The following NSMF variants were observed in gnomAD, a reference collection of about 807,000 sequenced individuals.
NSMF encodes NMDA receptor synaptonuclear signaling and neuronal migration factor.
A neutral mutation model predicts 71.0 loss-of-function variants in NSMF; 31 were observed. The observed-to-expected ratio is 0.44, with a 90% CI of 0.33 to 0.59. The LOEUF (loss-of-function observed/expected upper bound fraction) is 0.59. Ranked by LOEUF, NSMF falls within the 20% of genes least tolerant of loss-of-function variation. NSMF has a pLI of 0.04. For synonymous variants in NSMF, 345 were observed against 287.1 expected (o/e 1.20, Z -2.04); for missense variants, 673 against 740.5 (o/e 0.91, Z 1.06).
Position 137,456,211 on chromosome 9 carries a change from G to C in NSMF, c.704+200C>G, listed in dbSNP as rs57548677. On this transcript the variant is annotated intron_variant, in intron 4 of 15. Transcript: ENST00000371475. ...GGTCCCCTGACTGTGTGTGTGTGGGGGGGGGGGCTGGGCACCAGCCATGGG... is the reference window on the plus strand; with the variant it reads ...GGTCCCCTGACTGTGTGTGTGTGGGCGGGGGGGCTGGGCACCAGCCATGGG... Among the ~76,000 whole-genome samples the C allele has an allele frequency of 7.1e-3, 1,079 of 152,178 alleles. 16 individuals are homozygous for C. Among genetic ancestry groups the C allele is most frequent in the African/African-American group, 0.024 (1,011 of 41,478 alleles).
Position 137,457,827 on chromosome 9 carries a change from G to C in NSMF, c.208C>G (p.Arg70Gly). ...EMQPAPQNKR[R>G]LSLVSNGCYE... ...CAGCCGTTGGAGACGAGGGACAGGC[G>C]GCGCTTGTTCTGGGGGGCCGGCTGC... is the stretch of plus-strand genomic sequence containing the variant. Residue 70 changes from arginine (R) to glycine (G), a missense_variant, in exon 3 of 16, where the codon CGC (arginine) becomes GGC (glycine). Transcript: ENST00000371475. The C allele has an allele frequency of 6.4e-7, 1 of 1,556,162 alleles. No homozygotes were observed. Among genetic ancestry groups the C allele is most frequent in the Non-Finnish European group, 8.7e-7 (1 of 1,150,186 alleles).
rs561299452 is a variant in NSMF at position 137,452,413 on chromosome 9, G to A, written c.1188C>T (p.Asn396=). The A allele has an allele frequency of 9.3e-6, 15 of 1,612,458 alleles. 1 individual carries two copies. Among genetic ancestry groups the A allele is most frequent in the African/African-American group, 6.7e-5 (5 of 74,876 alleles). Reference sequence around the variant, plus strand: ...AGATCTTGGCTCCCTTGTGGTAGACGTTCAGCTTCCTCTCTATCTCCTCTG... The same window carrying A: ...AGATCTTGGCTCCCTTGTGGTAGACATTCAGCTTCCTCTCTATCTCCTCTG... ...DILEEIERKL[N]VYHKGAKIWK... is the part of the protein sequence containing the mutation. Residue 396 remains asparagine, a synonymous_variant, in exon 12 of 16, where the codon AAC becomes AAT. Transcript: ENST00000371475.
Position 137,459,292 on chromosome 9 carries a change from G to A in NSMF, c.-190C>T, listed in dbSNP as rs1157046961. On this transcript the variant is annotated 5_prime_UTR_variant, in exon 1 of 16. Coordinates refer to ENST00000371475, the MANE Select transcript of NSMF (RefSeq NM_001130969.3). The stretch of plus-strand genomic sequence containing the variant: ...CGGTCCCCGCATGGCCGCACCCGGC[G>A]CTCCGCGCGTGCCGCCGCTCCCGGG... 9.3e-6 allele frequency: 2 copies of A among 215,458 alleles called. No homozygotes were observed. Among genetic ancestry groups the A allele is most frequent in the Non-Finnish European group, 1.6e-5 (2 of 123,938 alleles). The allele number at this position is 215,458 out of a possible 1,614,324, so 13.3% of individuals were successfully genotyped here. A position where few individuals can be genotyped will look rare whatever the true frequency, so the allele number is the denominator to read the frequency against.
chr9:137,450,372 C>CCCCTTGATCTCCCCCACCACACGTCTTT (rs1433493417), intron 12 of NSMF, 117 bp from the exon 13 acceptor site: 39 of 790,754 alleles, frequency 4.9e-5, no homozygotes, highest in African/African-American at 2.1e-4. Context: ...CACGCTTCTT[C>CCCCTTGATCTCCCCCACCACACGTCTTT]CCCTTGATCT....
chr9:137,449,788 G>A, intron 14 of NSMF, 114 bp from the exon 15 acceptor site: 1 of 1,303,572 alleles, frequency 7.7e-7, no homozygotes, highest in Non-Finnish European at 1.1e-6. Flanking sequence ...ACCTGGCTGG[G>A]CTCAGGCATA....
Position 137,454,382 on chromosome 9 carries a change from G to T in NSMF, c.832+9C>A. The T allele has an allele frequency of 6.5e-7, 1 of 1,550,008 alleles. No homozygotes were observed. Among genetic ancestry groups the T allele is most frequent in the Non-Finnish European group, 8.7e-7 (1 of 1,146,772 alleles). On this transcript the variant is annotated intron_variant, in intron 7 of 15. Transcript: ENST00000371475. ...GCCGCCCCCCCACCCCCGCCGCACGGGGTCTTACTCTGGGCCTTCACCCTC... is the reference window on the plus strand; with the variant it reads ...GCCGCCCCCCCACCCCCGCCGCACGTGGTCTTACTCTGGGCCTTCACCCTC...
At position 137,449,390 on chromosome 9, in the gene NSMF, C is replaced by A; in HGVS notation, c.*4G>T. On this transcript the variant is annotated 3_prime_UTR_variant, in exon 16 of 16. Coordinates refer to ENST00000371475, the MANE Select transcript of NSMF (RefSeq NM_001130969.3). ...GATGGTGACTGGGCGGAGGCCTCTGCCCCTCACAGGACGTCGTCAAAGTCC... is the reference window on the plus strand; with the variant it reads ...GATGGTGACTGGGCGGAGGCCTCTGACCCTCACAGGACGTCGTCAAAGTCC... The A allele has an allele frequency of 6.2e-7, 1 of 1,611,556 alleles. No individual in the cohort carries two copies. The highest frequency in any genetic ancestry group is 1.1e-5 in the South Asian group (1 of 91,050).
chr9:137,452,610 G>C, intron 10 of NSMF, 24 bp from the exon 11 acceptor site: 1 of 1,612,256 alleles, frequency 6.2e-7, no homozygotes, highest in Non-Finnish European at 8.5e-7. Context: ...CAGGCCACAA[G>C]GCCACATCAA....
At chr9:137,449,753 C>T (rs1423774845) in intron 14 of NSMF, 79 bp from the exon 15 acceptor site, 20 of 1,394,610 alleles carry the variant, frequency 1.4e-5, no homozygotes, top group African/African-American at 1.1e-4. Flanking sequence ...GAGCAGGGCC[C>T]ACCCTCTTTT....
rs1564266205 is a variant in NSMF, at chr9:137,455,612, G to A, written c.710+17C>T. ...CAACAGCTGTGCCCTTAGGCACCAA[G>A]TCATACAGGTACTTACGAGATGCTG... On this transcript the variant is annotated intron_variant, in intron 5 of 15. Transcript: ENST00000371475. 3.9e-6 allele frequency: 6 copies of A among 1,550,136 alleles called. No homozygotes were observed. The highest frequency in any genetic ancestry group is 1.4e-5 in the African/African-American group (1 of 73,048).
In NSMF at chr9:137,452,566, G is replaced by C. The variant is rs1232476748; in HGVS notation, c.1152C>G (p.Phe384Leu). Residue 384 changes from phenylalanine to leucine, a missense_variant, in exon 11 of 16, where the codon TTC becomes TTG. By Grantham distance (22) the Phe-to-Leu change is conservative (BLOSUM62 0). Around this residue, in one of 2 missense-constraint regions of NSMF, gnomAD observed 202 missense variants for 280.8 expected, o/e 0.72. Transcript: ENST00000371475. ...TGAGGCACATACCAAGGATGTCCTCGAAGGTTGCGTGCTCATGGTCCTGGG... is the reference window on the plus strand; with the variant it reads ...TGAGGCACATACCAAGGATGTCCTCCAAGGTTGCGTGCTCATGGTCCTGGG... ...PILYDHEHATFEDILEEIERK... is the reference protein window; with the variant it reads ...PILYDHEHATLEDILEEIERK... 6.2e-7 allele frequency: 1 copy of C among 1,612,540 alleles called. No individual in the cohort carries two copies. Among genetic ancestry groups the C allele is most frequent in the East Asian group, 2.2e-5 (1 of 44,854 alleles).
rs567805520 is a variant in NSMF, at chr9:137,449,374, T to C, written c.*20A>G. 45 of 1,602,656 alleles carry C rather than the reference T, an allele frequency of 2.8e-5. No homozygotes were observed. In the South Asian group the frequency reaches 4.8e-4, roughly 17 times the overall value. ...GCAGAGGGAGTGGCCTGATGGTGAC[T>C]GGGCGGAGGCCTCTGCCCCTCACAG... On this transcript the variant is annotated 3_prime_UTR_variant, in exon 16 of 16. Transcript: ENST00000371475.
At chr9:137,454,796 C>T in intron 6 of NSMF, 1 of 1,366,582 alleles carries the variant, frequency 7.3e-7, no homozygotes, top group Non-Finnish European at 9.6e-7. Flanking sequence ...GCCTGCGCTG[C>T]AGCAGAGCGG....
rs767044397 is a variant in NSMF, at chr9:137,455,291, C to A, written c.727G>T (p.Ala243Ser). ...MQAISVFRGY[A>S]ERKRRKREND... is the part of the protein sequence containing the mutation. The stretch of plus-strand genomic sequence containing the variant: ...TCCCGTTTCCGGCGCTTCCTCTCCG[C>A]GTAGCCCCTGAACACCCTGGGAAAC... Residue 243 changes from alanine to serine, a missense_variant, in exon 6 of 16, where the codon GCG (alanine) becomes TCG (serine). Physicochemically the swap from Ala to Ser is moderately conservative, Grantham distance 99 (BLOSUM62 1). Around this residue, in one of 2 missense-constraint regions of NSMF, gnomAD observed 471 missense variants for 459.6 expected, o/e 1.02. Coordinates refer to ENST00000371475, the MANE Select transcript of NSMF (RefSeq NM_001130969.3). 1 of 1,612,802 alleles carries A rather than the reference C, an allele frequency of 6.2e-7. No homozygotes were observed. The highest frequency in any genetic ancestry group is 8.5e-7 in the Non-Finnish European group (1 of 1,179,922).
In NSMF at chr9:137,449,369, G is replaced by A. The variant is rs926155037; in HGVS notation, c.*25C>T. The A allele has an allele frequency of 5.0e-6, 8 of 1,595,860 alleles. No homozygotes were observed. In the African/African-American group the frequency reaches 6.7e-5, roughly 13 times the overall value. ...CCGGTGCAGAGGGAGTGGCCTGATG[G>A]TGACTGGGCGGAGGCCTCTGCCCCT... On this transcript the variant is annotated 3_prime_UTR_variant, in exon 16 of 16. Transcript: ENST00000371475.
Position 137,458,555 on chromosome 9 carries a change from G to A in NSMF, c.72-6C>T, listed in dbSNP as rs964732489. The A allele has an allele frequency of 2.5e-6, 4 of 1,592,392 alleles. No individual in the cohort carries two copies. The highest frequency in any genetic ancestry group is 2.7e-5 in the African/African-American group (2 of 74,460). Reference sequence around the variant, plus strand: ...CTCCAAACGCTCGGGCTGCTCTGAGGGTGGACAGAGGGCACGGTCAGAGGC... The same window carrying A: ...CTCCAAACGCTCGGGCTGCTCTGAGAGTGGACAGAGGGCACGGTCAGAGGC... On this transcript the variant is annotated splice_polypyrimidine_tract_variant and splice_region_variant and intron_variant, in intron 1 of 15. Transcript: ENST00000371475.
chr9:137,454,782 G>C, intron 6 of NSMF: 3 of 1,393,730 alleles, frequency 2.2e-6, no homozygotes, highest in Non-Finnish European at 1.9e-6. Context: ...AGAGGATCCA[G>C]CCTGCCTGCG....
chr9:137,454,239 C>T, intron 7 of NSMF, 152 bp downstream of exon 7: 4 of 665,940 alleles, frequency 6.0e-6, no homozygotes, highest in South Asian at 3.2e-5. Flanking sequence ...GAGCCTGGGC[C>T]GGGCTGGGGA....
intron 3 of NSMF, 38 bp from the exon 4 acceptor site, chr9:137,456,524 A>C (rs1268308735): frequency 7.4e-7 from 1 of 1,351,274 alleles, no homozygotes; most frequent in Non-Finnish European, 1.0e-6. Flanking sequence ...TGGGTGAAGT[A>C]GGGGTTCCTG....
Sources: allele counts gnomAD v4.1 joint callset (sites outside exome capture counted in the v4.1 genomes callset), GRCh38; gene constraint gnomAD v4.1.1; regional missense constraint gnomAD v4.1.1; transcripts MANE v1.5; gene names NCBI Gene and HGNC (gene_info 2026-07-23, HGNC 2026-07-21).